ODAD2: variants seen among roughly 807,000 people sequenced by gnomAD.
ODAD2 encodes outer dynein arm docking complex subunit 2, also known as outer dynein arm-docking complex subunit 2.
Under a neutral mutation model 106.8 loss-of-function variants are expected in ODAD2, and 89 were observed. That is an observed-to-expected ratio of 0.83 (90% CI 0.70 to 0.99). The LOEUF (loss-of-function observed/expected upper bound fraction) is 0.99, where lower values mean the gene tolerates loss of function less well. Ranked by LOEUF, ODAD2 falls within the 50% of genes least tolerant of loss-of-function variation. The pLI is 0.00. For missense variants in ODAD2, 1,168 were observed against 1,238.5 expected (o/e 0.94, Z 0.85); for synonymous variants, 404 against 436.2 (o/e 0.93, Z 0.92).
At chr10:27,940,852 C>T (rs747234154) in intron 12 of ODAD2, 47 bp from the exon 13 acceptor site, 1 of 1,571,064 alleles carries the variant, frequency 6.4e-7, no homozygotes, top group Non-Finnish European at 8.7e-7. Context: ...TTAAAAAGAA[C>T]ATTTAAGGCA....
intron 17 of ODAD2, 39 bp downstream of exon 17, chr10:27,907,624 A>G: frequency 7.0e-7 from 1 of 1,421,830 alleles, no homozygotes; most frequent in Non-Finnish European, 9.9e-7. Context: ...GTATAGTATT[A>G]GAGATTCTAG....
chr10:27,936,706 T>A lies in ODAD2; in HGVS notation c.2252+20A>T. On this transcript the variant is annotated intron_variant, in intron 15 of 19. Transcript: ENST00000305242. ...CAGAAGCCGTATCTTCATTTCAGAA[T>A]ATTGAGAGCCTTCTCTTACTTGGTA... The A allele has an allele frequency of 6.2e-7, 1 of 1,613,388 alleles. No homozygotes were observed. Among genetic ancestry groups the A allele is most frequent in the African/African-American group, 1.3e-5 (1 of 75,030 alleles).
At chr10:27,973,452 T>A (rs1292944384) in intron 7 of ODAD2, among the ~76,000 whole-genome samples, 1 of 152,042 alleles carries the variant, frequency 6.6e-6, no homozygotes, top group East Asian at 1.9e-4. Context: ...AAGCCTAGTA[T>A]CCAATAGTTA....
intron 17 of ODAD2, among the ~76,000 whole-genome samples, chr10:27,887,079 T>C (rs189755179): frequency 1.4e-4 from 21 of 152,084 alleles, no homozygotes; most frequent in African/African-American, 4.6e-4. Flanking sequence ...GCAAAATGGA[T>C]TTTAAAAAAA....
In ODAD2 at chr10:27,902,592, A is replaced by G. The variant is rs144724232; in HGVS notation, c.2610+5071T>C. On this transcript the variant is annotated intron_variant, in intron 17 of 19. Transcript: ENST00000305242. ...GAAAAGAGAGAAGAATCAAATAGAC[A>G]CAATAAAAAATGATACAGGGGAGAT... 3.7e-3 allele frequency among the ~76,000 whole-genome samples: 556 copies of G among 152,216 alleles called. 3 individuals are homozygous for G. The highest frequency in any genetic ancestry group is 0.013 in the African/African-American group (533 of 41,542).
At chr10:27,836,323 G>A (rs949282692) in intron 19 of ODAD2, among the ~76,000 whole-genome samples, 1 of 152,098 alleles carries the variant, frequency 6.6e-6, no homozygotes, top group Non-Finnish European at 1.5e-5. Flanking sequence ...TGACTTGGCA[G>A]CAGAACTCAG....
At chr10:27,921,451 A>G (rs1475944306) in intron 16 of ODAD2, among the ~76,000 whole-genome samples, 1 of 152,102 alleles carries the variant, frequency 6.6e-6, no homozygotes, top group Non-Finnish European at 1.5e-5. Flanking sequence ...TGAATCATGT[A>G]TGCCAGGTAG....
intron 16 of ODAD2, among the ~76,000 whole-genome samples, chr10:27,934,314 A>T (rs1266079107): frequency 2.0e-5 from 3 of 151,904 alleles, no homozygotes; most frequent in African/African-American, 4.8e-5. Context: ...TTCTCTGGAA[A>T]GCCCTAATAC....
intron 19 of ODAD2, among the ~76,000 whole-genome samples, chr10:27,820,931 G>A (rs1028814212): frequency 9.9e-5 from 15 of 151,872 alleles, no homozygotes; most frequent in East Asian, 9.7e-4. Context: ...ACAGGCATGC[G>A]CCACCACACC....
At chr10:27,853,626 G>T (rs1246016493) in intron 19 of ODAD2, among the ~76,000 whole-genome samples, 1 of 152,098 alleles carries the variant, frequency 6.6e-6, no homozygotes, top group African/African-American at 2.4e-5. Context: ...GAGCCACTCT[G>T]CCTGGTCCAG....
At chr10:27,868,050 A>C (rs1840579279) in intron 17 of ODAD2, among the ~76,000 whole-genome samples, 1 of 152,202 alleles carries the variant, frequency 6.6e-6, no homozygotes, top group South Asian at 2.1e-4. Context: ...TCAAAAGAAG[A>C]CATTTATGCG....
chr10:27,817,160 C>G (rs567127060), intron 19 of ODAD2, among the ~76,000 whole-genome samples: 2 of 152,078 alleles, frequency 1.3e-5, no homozygotes, highest in Admixed American at 1.3e-4. Flanking sequence ...TAAAAAATAA[C>G]GAGCAGGAAG....
At chr10:27,844,363 A>G (rs1184154697) in intron 19 of ODAD2, among the ~76,000 whole-genome samples, 2 of 152,220 alleles carry the variant, frequency 1.3e-5, no homozygotes, top group Non-Finnish European at 2.9e-5. Context: ...TCATTCCACC[A>G]TGAAGCAAGC....
chr10:27,862,263 C>T (rs1840100622), intron 18 of ODAD2, among the ~76,000 whole-genome samples, 171 bp downstream of exon 18: 1 of 152,138 alleles, frequency 6.6e-6, no homozygotes, highest in Admixed American at 6.6e-5. Flanking sequence ...AATACGCTTT[C>T]ACATATATTA....
At chr10:27,863,819 T>C (rs887466070) in intron 17 of ODAD2, among the ~76,000 whole-genome samples, 2 of 128,804 alleles carry the variant, frequency 1.6e-5, no homozygotes, top group Non-Finnish European at 3.0e-5. Flanking sequence ...GAGAAGGTGA[T>C]TTTTTTTTTT....
intron 10 of ODAD2, among the ~76,000 whole-genome samples, chr10:27,953,983 G>A (rs532298136): frequency 4.3e-4 from 65 of 152,204 alleles, no homozygotes; most frequent in Middle Eastern, 3.4e-3. Context: ...AAATCTCAAA[G>A]GCCAATGGAC....
At chr10:27,835,565 A>G (rs755735993) in intron 19 of ODAD2, among the ~76,000 whole-genome samples, 10 of 152,238 alleles carry the variant, frequency 6.6e-5, no homozygotes, top group African/African-American at 1.7e-4. Context: ...ACTGCCCCCA[A>G]TCTTAAGGAC....
At chr10:27,869,279 G>A (rs572738396) in intron 17 of ODAD2, among the ~76,000 whole-genome samples, 5 of 151,994 alleles carry the variant, frequency 3.3e-5, no homozygotes, top group African/African-American at 1.2e-4. Context: ...AGGCAGAGAA[G>A]ATCTAACACA....
intron 19 of ODAD2, among the ~76,000 whole-genome samples, chr10:27,829,969 T>C (rs1257261243): frequency 2.6e-5 from 4 of 152,156 alleles, no homozygotes; most frequent in African/African-American, 9.7e-5. Flanking sequence ...CCCATTTCTT[T>C]TTTCCCCCAG....
Sources: gnomAD v4.1 joint callset for allele counts (sites outside exome capture counted in the v4.1 genomes callset) on GRCh38, gnomAD v4.1.1 for gene constraint, MANE v1.5 for transcripts, NCBI Gene and HGNC (gene_info 2026-07-23, HGNC 2026-07-21) for gene names.